GABRB1: variants seen among roughly 807,000 people sequenced by gnomAD.
The protein encoded by GABRB1 is gamma-aminobutyric acid type A receptor subunit beta1.
A neutral mutation model predicts 51.6 loss-of-function variants in GABRB1; 17 were observed. The observed-to-expected ratio is 0.33, with a 90% confidence interval of 0.23 to 0.49. The LOEUF (loss-of-function observed/expected upper bound fraction) is 0.49, where lower values mean the gene tolerates loss of function less well. Ranked by LOEUF, GABRB1 falls within the 20% of genes least tolerant of loss-of-function variation. GABRB1 has a pLI of 0.99. For missense variants in GABRB1, 410 were observed against 600.6 expected (o/e 0.68, Z 3.32); for synonymous variants, 247 against 218.9 (o/e 1.13, Z -1.14).
At chr4:47,030,206 TG>T (rs1725243924), upstream of GABRB1, among the ~76,000 whole-genome samples, 1 of 152,232 alleles carries the variant, frequency 6.6e-6, no homozygotes, top group Non-Finnish European at 1.5e-5. Flanking sequence ...AATAATGTTA[TG>T]TACCTTCACT....
At chr4:47,090,177 T>G (rs1185886437) in intron 3 of GABRB1, among the ~76,000 whole-genome samples, 1 of 152,244 alleles carries the variant, frequency 6.6e-6, no homozygotes, top group African/African-American at 2.4e-5. Flanking sequence ...AAATTGAAAA[T>G]AAGTTGTTTA....
chr4:47,080,399 A>C (rs1727778336), intron 3 of GABRB1, among the ~76,000 whole-genome samples: 1 of 152,100 alleles, frequency 6.6e-6, no homozygotes, highest in Non-Finnish European at 1.5e-5. Context: ...CATGAAATGG[A>C]ATTAATAATA....
intron 3 of GABRB1, among the ~76,000 whole-genome samples, chr4:47,057,348 T>A (rs1726658421): frequency 6.6e-6 from 1 of 152,224 alleles, no homozygotes; most frequent in Non-Finnish European, 1.5e-5. Flanking sequence ...TACAATGTGA[T>A]TCATTGAATT....
chr4:47,204,911 A>C (rs1411616431), intron 4 of GABRB1, among the ~76,000 whole-genome samples: 1 of 152,198 alleles, frequency 6.6e-6, no homozygotes, highest in Non-Finnish European at 1.5e-5. Context: ...CAAGAAAACT[A>C]TTCATCTAAT....
intron 4 of GABRB1, among the ~76,000 whole-genome samples, chr4:47,279,935 T>C (rs952471576): frequency 6.6e-5 from 10 of 152,018 alleles, no homozygotes; most frequent in African/African-American, 1.7e-4. Context: ...GTTTTTTTTT[T>C]AGCCATTCAG....
intron 4 of GABRB1, among the ~76,000 whole-genome samples, chr4:47,273,473 T>A (rs1399552617): frequency 1.3e-5 from 2 of 152,084 alleles, no homozygotes; most frequent in African/African-American, 4.8e-5. Context: ...GAAGAAGCCA[T>A]GCCCCAAAGT....
chr4:47,392,339 T>A (rs1231483135), intron 5 of GABRB1, among the ~76,000 whole-genome samples: 1 of 77,232 alleles, frequency 1.3e-5, no homozygotes, highest in African/African-American at 6.2e-5. Flanking sequence ...CCCTTCCACC[T>A]TTTTTTTTTT....
At chr4:47,413,464 A>G (rs1728823253) in intron 8 of GABRB1, among the ~76,000 whole-genome samples, 1 of 152,238 alleles carries the variant, frequency 6.6e-6, no homozygotes, top group African/African-American at 2.4e-5. Context: ...CAGCAGTTAC[A>G]TTAATAATGC....
chr4:47,244,434 A>G (rs1406275926), intron 4 of GABRB1, among the ~76,000 whole-genome samples: 3 of 152,098 alleles, frequency 2.0e-5, no homozygotes, highest in Non-Finnish European at 4.4e-5. Flanking sequence ...TTTTCTATTG[A>G]TAGGAAGAGT....
At chr4:47,032,283 C>A in intron 2 of GABRB1, 134 bp from the exon 3 acceptor site, 3 of 867,616 alleles carry the variant, frequency 3.5e-6, no homozygotes, top group South Asian at 1.6e-5. Context: ...CCAGGCAGTC[C>A]CCTGAAAGGG....
intron 4 of GABRB1, among the ~76,000 whole-genome samples, chr4:47,244,275 T>G (rs1258543979): frequency 6.6e-6 from 1 of 152,224 alleles, no homozygotes; most frequent in African/African-American, 2.4e-5. Flanking sequence ...TGCTGCTGTA[T>G]TCGGTTTGCC....
At chr4:47,071,335 T>A (rs1311471372) in intron 3 of GABRB1, among the ~76,000 whole-genome samples, 1 of 152,202 alleles carries the variant, frequency 6.6e-6, no homozygotes, top group Non-Finnish European at 1.5e-5. Context: ...AGTCAGATCA[T>A]GTTCCTCCTT....
chr4:47,302,116 CAT>C (rs1179980656), intron 4 of GABRB1, among the ~76,000 whole-genome samples: 2 of 152,102 alleles, frequency 1.3e-5, no homozygotes, highest in East Asian at 3.8e-4. Flanking sequence ...GATTCATGGT[CAT>C]ATGTTTCCCT....
At chr4:47,162,057 G>A (rs1560565410) in intron 4 of GABRB1, among the ~76,000 whole-genome samples, 1 of 151,868 alleles carries the variant, frequency 6.6e-6, no homozygotes, top group Non-Finnish European at 1.5e-5. Context: ...AATTGTTCTT[G>A]GCAAAATGAT....
intron 3 of GABRB1, among the ~76,000 whole-genome samples, chr4:47,153,579 T>G (rs1717557635): frequency 6.6e-6 from 1 of 152,114 alleles, no homozygotes; most frequent in Admixed American, 6.6e-5. Context: ...GCTCAGAGTT[T>G]CATATACTGA....
intron 5 of GABRB1, among the ~76,000 whole-genome samples, chr4:47,400,816 A>G (rs1453694091): frequency 6.6e-6 from 1 of 151,896 alleles, no homozygotes; most frequent in East Asian, 1.9e-4. Flanking sequence ...AAATAAGAAC[A>G]TGCAATATTT....
chr4:47,146,236 A>G lies in GABRB1; in HGVS notation c.241-15013A>G, dbSNP rs537345572. On this transcript the variant is annotated intron_variant, in intron 3 of 8. Transcript: ENST00000295454. ...CCAGAAGTAAGCAAGTCAAAAAGAC[A>G]GGGGAACATAAAGTACCAGAAAGTA... Among the ~76,000 whole-genome samples the G allele has an allele frequency of 9.3e-4, 142 of 152,202 alleles. No individual in the cohort carries two copies. In the Middle Eastern group the frequency reaches 0.01, roughly 11 times the overall value.
chr4:47,313,554 A>T (rs2109955599), intron 4 of GABRB1, among the ~76,000 whole-genome samples: 1 of 152,242 alleles, frequency 6.6e-6, no homozygotes, highest in African/African-American at 2.4e-5. Context: ...CACCCAGAAG[A>T]CAAGAGAGCT....
At chr4:47,378,140 C>T (rs1238672461) in intron 5 of GABRB1, among the ~76,000 whole-genome samples, 1 of 152,164 alleles carries the variant, frequency 6.6e-6, no homozygotes, top group African/African-American at 2.4e-5. Flanking sequence ...CCCACAGAGG[C>T]GGGGAGTCGT....
Sources: gnomAD v4.1 joint callset for allele counts (sites outside exome capture counted in the v4.1 genomes callset) on GRCh38, gnomAD v4.1.1 for gene constraint, MANE v1.5 for transcripts, NCBI Gene and HGNC (gene_info 2026-07-23, HGNC 2026-07-21) for gene names.